SPPL3: variants seen among roughly 807,000 people sequenced by gnomAD.
The protein encoded by SPPL3 is signal peptide peptidase-like 3.
In SPPL3, 5 loss-of-function variants were observed where a neutral mutation model predicts 42.4. That is an observed-to-expected ratio of 0.12 (90% CI 0.06 to 0.25). The LOEUF (loss-of-function observed/expected upper bound fraction) is 0.25. Ranked by LOEUF, SPPL3 falls within the 10% of genes least tolerant of loss-of-function variation. The pLI is 1.00. For missense variants in SPPL3, 235 were observed against 489.0 expected (o/e 0.48, Z 4.90); for synonymous variants, 195 against 181.8 (o/e 1.07, Z -0.58).
intron 1 of SPPL3, among the ~76,000 whole-genome samples, chr12:120,898,089 A>G (rs913807100): frequency 6.6e-6 from 1 of 151,958 alleles, no homozygotes; most frequent in Non-Finnish European, 1.5e-5. Flanking sequence ...AGGTGGGTGG[A>G]TTGCTTGAAG....
At chr12:120,775,881 T>G (rs1869296391) in intron 6 of SPPL3, among the ~76,000 whole-genome samples, 1 of 152,070 alleles carries the variant, frequency 6.6e-6, no homozygotes, top group Admixed American at 6.6e-5. Context: ...AAGAACAGAC[T>G]TCAGTTAAGA....
At chr12:120,860,574 T>G (rs1872593449) in intron 1 of SPPL3, among the ~76,000 whole-genome samples, 1 of 152,200 alleles carries the variant, frequency 6.6e-6, no homozygotes, top group Admixed American at 6.5e-5. Context: ...TTGGTAATTT[T>G]CCATCTGTTG....
chr12:120,802,431 A>ATATT (rs1312190815), intron 2 of SPPL3, among the ~76,000 whole-genome samples: 374 of 104,760 alleles, frequency 3.6e-3, no homozygotes, highest in Middle Eastern at 5.9e-3. Flanking sequence ...ATATATATAT[A>ATATT]TTTTTTTTTT....
At chr12:120,889,048 G>T (rs987851389) in intron 1 of SPPL3, among the ~76,000 whole-genome samples, 1 of 151,920 alleles carries the variant, frequency 6.6e-6, no homozygotes, top group Non-Finnish European at 1.5e-5. Context: ...CCCTGACCTC[G>T]GGTGAACTGC....
At chr12:120,878,970 G>C (rs1400983328) in intron 1 of SPPL3, among the ~76,000 whole-genome samples, 2 of 151,610 alleles carry the variant, frequency 1.3e-5, no homozygotes, top group African/African-American at 4.9e-5. Context: ...AAAATTAGCT[G>C]GGTGTGGTGG....
At chr12:120,812,238 G>C (rs1312209240) in intron 1 of SPPL3, among the ~76,000 whole-genome samples, 3 of 151,738 alleles carry the variant, frequency 2.0e-5, no homozygotes, top group Admixed American at 1.3e-4. Context: ...GGGTTCAAGC[G>C]ATTCTCTTGC....
intron 1 of SPPL3, chr12:120,845,438 G>C (rs1246416963): frequency 7.4e-6 from 3 of 405,786 alleles, no homozygotes; most frequent in Non-Finnish European, 1.5e-5. Context: ...GCCGGATCTT[G>C]TCCGAGCCGC....
chr12:120,838,047 A>G (rs928144482), intron 1 of SPPL3, among the ~76,000 whole-genome samples: 42 of 152,218 alleles, frequency 2.8e-4, no homozygotes, highest in African/African-American at 9.6e-4. Context: ...AATAAAAAAT[A>G]AATAAAACTC....
chr12:120,816,930 A>G (rs1870899451), intron 1 of SPPL3, among the ~76,000 whole-genome samples: 2 of 151,928 alleles, frequency 1.3e-5, no homozygotes, highest in Non-Finnish European at 2.9e-5. Context: ...ATATCTTTCT[A>G]TTACCTATAA....
intron 1 of SPPL3, among the ~76,000 whole-genome samples, chr12:120,898,967 G>C (rs941253276): frequency 6.6e-6 from 1 of 152,154 alleles, no homozygotes; most frequent in African/African-American, 2.4e-5. Context: ...TTATATATAA[G>C]TACCACATTT....
At chr12:120,903,779 C>T in intron 1 of SPPL3, 66 bp downstream of exon 1, 1 of 1,077,936 alleles carries the variant, frequency 9.3e-7, no homozygotes, top group Non-Finnish European at 1.2e-6. Context: ...TTCCCCTCGG[C>T]GGGCCGCGCC....
chr12:120,833,864 T>C (rs1224195088), intron 1 of SPPL3, among the ~76,000 whole-genome samples: 2 of 151,838 alleles, frequency 1.3e-5, no homozygotes, highest in Admixed American at 1.3e-4. Context: ...TTAATTTATA[T>C]AACTGAAGTG....
intron 6 of SPPL3, among the ~76,000 whole-genome samples, chr12:120,778,111 A>ATTTTTTTTTTTTTT (rs57779322): frequency 1.2e-4 from 11 of 90,942 alleles, no homozygotes; most frequent in Admixed American, 1.7e-4. Flanking sequence ...CTGAAAAGCA[A>ATTTTTTTTTTTTTT]TTTTTTTTTT....
intron 1 of SPPL3, among the ~76,000 whole-genome samples, chr12:120,876,641 A>AAAAAAAAG (rs1566067226): frequency 6.6e-6 from 1 of 150,656 alleles, no homozygotes; most frequent in South Asian, 2.1e-4. Context: ...AAAAAAGAAG[A>AAAAAAAAG]AAGAAAATAT....
intron 1 of SPPL3, among the ~76,000 whole-genome samples, chr12:120,840,057 G>T (rs544892348): frequency 6.6e-6 from 1 of 151,942 alleles, no homozygotes; most frequent in Non-Finnish European, 1.5e-5. Flanking sequence ...GAGGCGGGTG[G>T]ATCACGAGGT....
chr12:120,795,680 ATG>A (rs1197052397), intron 2 of SPPL3, among the ~76,000 whole-genome samples: 2 of 151,972 alleles, frequency 1.3e-5, no homozygotes, highest in African/African-American at 4.8e-5. Flanking sequence ...GCTACTGATT[ATG>A]TGTCTTGGTG....
At chr12:120,845,162 C>A in intron 1 of SPPL3, 1 of 463,240 alleles carries the variant, frequency 2.2e-6, no homozygotes. Context: ...TGATAGAGCC[C>A]GTCGCCACTG....
intron 2 of SPPL3, among the ~76,000 whole-genome samples, chr12:120,792,566 G>A (rs1044952666): frequency 6.6e-6 from 1 of 151,880 alleles, no homozygotes; most frequent in East Asian, 1.9e-4. Flanking sequence ...TGGGCGTGGT[G>A]GTGCGTGCCG....
chr12:120,827,608 T>C (rs1871267792), intron 1 of SPPL3, among the ~76,000 whole-genome samples: 1 of 152,138 alleles, frequency 6.6e-6, no homozygotes, highest in Non-Finnish European at 1.5e-5. Flanking sequence ...AGCCTGGTTC[T>C]AGATCCAGAG....
Sources: gnomAD v4.1 joint callset for allele counts (sites outside exome capture counted in the v4.1 genomes callset) on GRCh38, gnomAD v4.1.1 for gene constraint, MANE v1.5 for transcripts, NCBI Gene and HGNC (gene_info 2026-07-23, HGNC 2026-07-21) for gene names.